Variants in ACADSB observed in about 807,000 individuals in gnomAD.
ACADSB encodes acyl-CoA dehydrogenase short/branched chain, also known as short/branched chain specific acyl-CoA dehydrogenase, mitochondrial.
ACADSB carries 40 observed loss-of-function variants against 54.1 expected under a neutral mutation model. That is an observed-to-expected ratio of 0.74 (90% CI 0.57 to 0.96). The LOEUF (loss-of-function observed/expected upper bound fraction) is 0.96, where lower values mean the gene tolerates loss of function less well. Among genes scored for constraint, ACADSB ranks in the 40% least tolerant of loss-of-function variants. The probability of loss-of-function intolerance (pLI) is 0.00; values close to 1 mark genes in which losing one functional copy is unlikely to be tolerated. For synonymous variants in ACADSB, 182 were observed against 182.8 expected (o/e 1.00, Z 0.03); for missense variants, 530 against 510.4 (o/e 1.04, Z -0.37).
intron 4 of ACADSB, among the ~76,000 whole-genome samples, 168 bp downstream of exon 4, chr10:123,040,840 A>G (rs1415384091): frequency 2.0e-5 from 3 of 152,184 alleles, no homozygotes; most frequent in Non-Finnish European, 4.4e-5. Flanking sequence ...AGTACACTCT[A>G]CCTCTTATTT....
In ACADSB at chr10:123,052,819, T is replaced by C. The variant is rs1278338150; in HGVS notation, c.1129-242T>C. The C allele has an allele frequency of 3.8e-6, 2 of 528,654 alleles. No homozygotes were observed. Among genetic ancestry groups the C allele is most frequent in the African/African-American group, 3.8e-5 (2 of 52,294 alleles). The allele number at this position is 528,654 out of a possible 1,614,324, so 32.7% of individuals were successfully genotyped here. Reference sequence around the variant, plus strand: ...CCTGAATAAATGATATCTCTCAGCATGCAGATTCATGTGAACAATGCTCTA... The same window carrying C: ...CCTGAATAAATGATATCTCTCAGCACGCAGATTCATGTGAACAATGCTCTA... On this transcript the variant is annotated intron_variant, in intron 9 of 10. Coordinates refer to ENST00000358776, the MANE Select transcript of ACADSB (RefSeq NM_001609.4). This position sits in a 1 kb window ranked among gnomAD's most constrained non-coding sequence, Gnocchi z 4.2.
chr10:123,047,119 T>C (rs1850570643), intron 7 of ACADSB, 90 bp from the exon 8 acceptor site: 1 of 1,087,028 alleles, frequency 9.2e-7, no homozygotes, highest in Non-Finnish European at 1.4e-6. Flanking sequence ...GCCCCAATCA[T>C]TCAATTTATG....
At chr10:123,035,175 C>G (rs1481095266) in intron 2 of ACADSB, among the ~76,000 whole-genome samples, 2 of 152,092 alleles carry the variant, frequency 1.3e-5, no homozygotes, top group Non-Finnish European at 2.9e-5. Flanking sequence ...TCAGGATGGT[C>G]TCGATCTCCT....
chr10:123,051,079 A>G lies in ACADSB; in HGVS notation c.1021A>G (p.Thr341Ala). ...CCAACACCAAGTGGCTCACGTGGCC[A>G]CCCAGCTGGAAGCTGCAAGATTACT... Reference protein sequence around the residue: ...GLQHQVAHVATQLEAARLLTY... With the variant: ...GLQHQVAHVAAQLEAARLLTY... Residue 341 changes from threonine to alanine, a missense_variant, in exon 9 of 11, where the codon ACC (threonine) becomes GCC (alanine). Thr to Ala is a moderately conservative substitution (Grantham distance 58, BLOSUM62 0). Coordinates refer to ENST00000358776, the MANE Select transcript of ACADSB (RefSeq NM_001609.4). 6.2e-7 allele frequency: 1 copy of G among 1,611,650 alleles called. No individual in the cohort carries two copies. The highest frequency in any genetic ancestry group is 8.5e-7 in the Non-Finnish European group (1 of 1,179,676).
At chr10:123,014,832 A>G (rs1419887729) in intron 1 of ACADSB, among the ~76,000 whole-genome samples, 2 of 152,234 alleles carry the variant, frequency 1.3e-5, no homozygotes, top group Admixed American at 1.3e-4. Flanking sequence ...GGGCAAGGAA[A>G]TGTGCACGCA....
At chr10:123,023,534 C>G (rs945560980) in intron 1 of ACADSB, among the ~76,000 whole-genome samples, 1 of 152,126 alleles carries the variant, frequency 6.6e-6, no homozygotes, top group Admixed American at 6.5e-5. Flanking sequence ...GAACTCTAGC[C>G]ATGAGATAGC....
At position 123,057,899 on chromosome 10, in the gene ACADSB, C is replaced by T. The variant is rs771076051; in HGVS notation, c.*4134C>T. On this transcript the variant is annotated 3_prime_UTR_variant, in exon 11 of 11. Transcript: ENST00000358776. ...TCCTAGTATTAAACATTGCCCCTTT[C>T]GACAAATTTTGGATTTCATTCTTGT... 8.5e-5 allele frequency: 13 copies of T among 152,146 alleles called. No individual in the cohort carries two copies. The highest frequency in any genetic ancestry group is 7.7e-4 in the East Asian group (4 of 5,196). The allele number at this position is 152,146 out of a possible 1,614,324, so 9.4% of individuals were successfully genotyped here.
Position 123,053,824 on chromosome 10 carries a change from G to A in ACADSB, c.*59G>A, listed in dbSNP as rs886046784. On this transcript the variant is annotated 3_prime_UTR_variant, in exon 11 of 11. Coordinates refer to ENST00000358776, the MANE Select transcript of ACADSB (RefSeq NM_001609.4). The stretch of plus-strand genomic sequence containing the variant: ...CTGCTGTAAAATTTTAAACGGTTGT[G>A]TCTTGTTGGGAGTAAGTGCCTTGCG... The A allele has an allele frequency of 3.2e-5, 47 of 1,462,288 alleles. No homozygotes were observed. The highest frequency in any genetic ancestry group is 4.2e-5 in the Non-Finnish European group (44 of 1,042,246). The allele number at this position is 1,462,288 out of a possible 1,614,324, so 90.6% of individuals were successfully genotyped here.
chr10:123,034,637 A>AAT (rs1850373145), intron 2 of ACADSB, 122 bp downstream of exon 2: 1 of 1,051,664 alleles, frequency 9.5e-7, no homozygotes. Flanking sequence ...CAGCCTCCTG[A>AAT]ATAGCTGGAA....
At chr10:123,036,974 T>C (rs1014222306) in intron 2 of ACADSB, among the ~76,000 whole-genome samples, 2 of 152,254 alleles carry the variant, frequency 1.3e-5, no homozygotes, top group Non-Finnish European at 2.9e-5. Flanking sequence ...GGTGTTTTCA[T>C]CAAAATGATT....
intron 8 of ACADSB, 42 bp downstream of exon 8, chr10:123,047,340 C>A: frequency 7.3e-7 from 1 of 1,366,426 alleles, no homozygotes; most frequent in Non-Finnish European, 1.0e-6. Flanking sequence ...TAGACTTCCC[C>A]AGCTTCCTGT....
chr10:123,047,191 A>AT lies in ACADSB; in HGVS notation c.901-11dup, dbSNP rs1429160532. The AT allele has an allele frequency of 1.9e-6, 3 of 1,557,406 alleles. No homozygotes were observed. The highest frequency in any genetic ancestry group is 2.2e-5 in the East Asian group (1 of 44,618). ...TAACAAAATAAGAAATTCTGATCTT[A>AT]TTTTTTTGTTTTAACAGATGCTGGG... is the stretch of plus-strand genomic sequence containing the variant. On this transcript the variant is annotated splice_polypyrimidine_tract_variant and intron_variant, in intron 7 of 10. Transcript: ENST00000358776.
At chr10:123,044,662 G>A (rs1297820031) in intron 7 of ACADSB, among the ~76,000 whole-genome samples, 177 bp downstream of exon 7, 3 of 152,142 alleles carry the variant, frequency 2.0e-5, no homozygotes, top group Non-Finnish European at 4.4e-5. Flanking sequence ...AATTATGTAA[G>A]TGTCCATAGA....
chr10:123,023,142 AAAAC>A (rs561762644), intron 1 of ACADSB, among the ~76,000 whole-genome samples: 3 of 152,262 alleles, frequency 2.0e-5, no homozygotes, highest in South Asian at 2.1e-4. Flanking sequence ...CTCATTTGTC[AAAAC>A]AAACAAACAA....
Position 123,053,976 on chromosome 10 carries a change from TGG to T in ACADSB, c.*213_*214del. The T allele has an allele frequency of 1.6e-6, 1 of 608,512 alleles. No homozygotes were observed. Among genetic ancestry groups the T allele is most frequent in the South Asian group, 2.0e-5 (1 of 50,190 alleles). The allele number at this position is 608,512 out of a possible 1,614,324, so 37.7% of individuals were successfully genotyped here. ...GGCACAGGAGATCCACTTTTAAACT[TGG>T]GAAATAAGCACCTGTATTTTTTTCC... is the stretch of plus-strand genomic sequence containing the variant. On this transcript the variant is annotated 3_prime_UTR_variant, in exon 11 of 11. Coordinates refer to ENST00000358776, the MANE Select transcript of ACADSB (RefSeq NM_001609.4).
chr10:123,040,771 A>C, intron 4 of ACADSB, 99 bp downstream of exon 4: 1 of 1,100,786 alleles, frequency 9.1e-7, no homozygotes, highest in East Asian at 2.5e-5. Flanking sequence ...TTACTATCCA[A>C]GACCACAATG....
Position 123,053,871 on chromosome 10 carries a change from T to G in ACADSB, c.*106T>G. The G allele has an allele frequency of 9.6e-7, 1 of 1,036,860 alleles. No individual in the cohort carries two copies. Among genetic ancestry groups the G allele is most frequent in the South Asian group, 1.3e-5 (1 of 77,886 alleles). The allele number at this position is 1,036,860 out of a possible 1,614,324, so 64.2% of individuals were successfully genotyped here. A position where few individuals can be genotyped will look rare whatever the true frequency, so the allele number is the denominator to read the frequency against. Reference sequence around the variant, plus strand: ...TGCGTGGGAATAAACTTCCACAGCATTCGAATATTTTAATGAAGCCCTTAG... The same window carrying G: ...TGCGTGGGAATAAACTTCCACAGCAGTCGAATATTTTAATGAAGCCCTTAG... On this transcript the variant is annotated 3_prime_UTR_variant, in exon 11 of 11. Coordinates refer to ENST00000358776, the MANE Select transcript of ACADSB (RefSeq NM_001609.4).
At chr10:123,020,442 C>A (rs754592356) in intron 1 of ACADSB, among the ~76,000 whole-genome samples, 24 of 152,166 alleles carry the variant, frequency 1.6e-4, no homozygotes, top group Admixed American at 3.3e-4. Context: ...CCAAATGGGT[C>A]GCTGCACCAT....
intron 1 of ACADSB, among the ~76,000 whole-genome samples, chr10:123,028,250 AGTTT>A (rs1292961920): frequency 9.0e-6 from 1 of 111,592 alleles, no homozygotes; most frequent in Non-Finnish European, 2.3e-5. Flanking sequence ...GTAATAAACT[AGTTT>A]AATTATTGTA....
Sources: gnomAD v4.1 joint callset for allele counts (sites outside exome capture counted in the v4.1 genomes callset) on GRCh38, gnomAD v4.1.1 for gene constraint, Gnocchi (gnomAD v3.1) non-coding constraint, MANE v1.5 for transcripts, NCBI Gene and HGNC (gene_info 2026-07-23, HGNC 2026-07-21) for gene names.